The following SRP72 variants were observed in gnomAD, a reference collection of about 807,000 sequenced individuals.
The protein encoded by SRP72 is signal recognition particle 72.
Under a neutral mutation model 96.3 loss-of-function variants are expected in SRP72, and 49 were observed. The ratio of observed to expected loss-of-function variants is 0.51; its 90% CI spans 0.40 to 0.65. SRP72 has a LOEUF of 0.65. Among genes scored for constraint, SRP72 ranks in the 30% least tolerant of loss-of-function variants. The probability of loss-of-function intolerance (pLI) is 0.00; values close to 1 mark genes in which losing one functional copy is unlikely to be tolerated. For missense variants in SRP72, 736 were observed against 793.3 expected (o/e 0.93, Z 0.87); for synonymous variants, 267 against 275.2 (o/e 0.97, Z 0.30).
At chr4:56,497,522 A>G (rs1721119363) in intron 17 of SRP72, among the ~76,000 whole-genome samples, 1 of 152,064 alleles carries the variant, frequency 6.6e-6, no homozygotes, top group Non-Finnish European at 1.5e-5. Context: ...CCCGGCCTGC[A>G]CTTCAGTTTT....
intron 13 of SRP72, among the ~76,000 whole-genome samples, chr4:56,489,885 T>C (rs1040011226): frequency 3.3e-5 from 5 of 152,352 alleles, no homozygotes; most frequent in Admixed American, 6.5e-5. Flanking sequence ...TAGGAATATC[T>C]TAATTTCCAG....
chr4:56,496,660 A>G (rs981510579), intron 17 of SRP72, among the ~76,000 whole-genome samples: 23 of 152,268 alleles, frequency 1.5e-4, no homozygotes, highest in African/African-American at 5.3e-4. Context: ...ATCATTATAG[A>G]GTGGCCTAAA....
chr4:56,499,247 T>C (rs573887796), intron 17 of SRP72, among the ~76,000 whole-genome samples: 1 of 152,264 alleles, frequency 6.6e-6, no homozygotes, highest in South Asian at 2.1e-4. Context: ...ATTAAAGACT[T>C]AAACATAAGA....
intron 3 of SRP72, among the ~76,000 whole-genome samples, chr4:56,472,556 A>G (rs1254519019): frequency 1.3e-5 from 2 of 151,934 alleles, no homozygotes; most frequent in South Asian, 2.1e-4. Context: ...CATGTTGCCT[A>G]GGCTCGTCTC....
intron 3 of SRP72, among the ~76,000 whole-genome samples, chr4:56,472,503 G>A (rs893225483): frequency 4.6e-5 from 7 of 151,560 alleles, no homozygotes; most frequent in African/African-American, 1.2e-4. Context: ...GTGCCAACTC[G>A]TGCAGCTAAT....
chr4:56,477,814 C>T (rs745529082), intron 6 of SRP72, among the ~76,000 whole-genome samples: 4 of 152,052 alleles, frequency 2.6e-5, no homozygotes, highest in Non-Finnish European at 4.4e-5. Context: ...TCTGGAGCAT[C>T]GGTTAAGAGA....
chr4:56,490,260 T>G, intron 13 of SRP72, 73 bp from the exon 14 acceptor site: 1 of 1,188,474 alleles, frequency 8.4e-7, no homozygotes, highest in South Asian at 1.4e-5. Flanking sequence ...CTTAAAGGTC[T>G]AATGAATATA....
At chr4:56,469,534 T>C (rs1047226706) in intron 1 of SRP72, 119 bp from the exon 2 acceptor site, 1 of 943,518 alleles carries the variant, frequency 1.1e-6, no homozygotes, top group Non-Finnish European at 1.5e-6. Flanking sequence ...TTCTGACCAA[T>C]TATTTCTGTT....
chr4:56,500,341 T>C, intron 17 of SRP72, 195 bp from the exon 18 acceptor site: 1 of 538,772 alleles, frequency 1.9e-6, no homozygotes, highest in Admixed American at 3.3e-5. Context: ...GTTCTGCGCA[T>C]GTATCCCAGA....
At position 56,474,336 on chromosome 4, in the gene SRP72, A is replaced by C. The variant is rs749519720; in HGVS notation, c.555A>C (p.Ala185=). The change falls in exon 5 of 19, where the codon GCA becomes GCC. Residue 185 remains alanine, a synonymous_variant. Coordinates refer to ENST00000642900, the MANE Select transcript of SRP72 (RefSeq NM_006947.4). ...AGCTGTGCTACAACACTGCATGTGC[A>C]CTGATAGGCCAAGGCCAGCTGAACC... The part of the protein sequence containing the change: ...THELCYNTAC[A]LIGQGQLNQA... The C allele has an allele frequency of 6.2e-7, 1 of 1,614,188 alleles. No homozygotes were observed. Among genetic ancestry groups the C allele is most frequent in the Admixed American group, 1.7e-5 (1 of 60,018 alleles).
chr4:56,479,493 G>A (rs4618376), intron 8 of SRP72, among the ~76,000 whole-genome samples: 29,835 of 150,940 alleles, frequency 0.2, 3,304 homozygotes, highest in Admixed American at 0.35. Flanking sequence ...ACACTCTAAT[G>A]GAAAAAGCTT....
chr4:56,494,472 TC>T (rs1721012265), intron 16 of SRP72, among the ~76,000 whole-genome samples: 1 of 150,814 alleles, frequency 6.6e-6, no homozygotes, highest in Non-Finnish European at 1.5e-5. Context: ...TGGCGCAATC[TC>T]GCTCACTGCA....
chr4:56,485,383 C>T (rs1470606080), intron 10 of SRP72, among the ~76,000 whole-genome samples: 1 of 147,566 alleles, frequency 6.8e-6, no homozygotes, highest in Non-Finnish European at 1.5e-5. Context: ...GAGACACCGC[C>T]CCTTCTCTCC....
chr4:56,468,447 C>G (rs1028804538), intron 1 of SRP72, among the ~76,000 whole-genome samples: 1 of 151,818 alleles, frequency 6.6e-6, no homozygotes, highest in African/African-American at 2.4e-5. Context: ...TTTAATTCAT[C>G]ATATTCTTTT....
chr4:56,485,670 C>T (rs944494329), intron 10 of SRP72, among the ~76,000 whole-genome samples: 4 of 151,980 alleles, frequency 2.6e-5, no homozygotes, highest in South Asian at 2.1e-4. Flanking sequence ...GGCATGGTGG[C>T]GCATTCCTGT....
intron 2 of SRP72, among the ~76,000 whole-genome samples, chr4:56,470,244 T>C (rs548222507): frequency 2.0e-5 from 3 of 152,328 alleles, no homozygotes; most frequent in South Asian, 4.1e-4. Flanking sequence ...ATATATGCAT[T>C]TGCCTGTATT....
chr4:56,494,603 T>G (rs1311276171), intron 16 of SRP72, among the ~76,000 whole-genome samples: 1 of 151,986 alleles, frequency 6.6e-6, no homozygotes, highest in Non-Finnish European at 1.5e-5. Context: ...GGGGTTTTAC[T>G]ATGTTGTCCA....
At chr4:56,487,756 A>C (rs190345812) in intron 11 of SRP72, among the ~76,000 whole-genome samples, 193 bp from the exon 12 acceptor site, 88 of 152,298 alleles carry the variant, frequency 5.8e-4, no homozygotes, top group African/African-American at 2.1e-3. Flanking sequence ...TTTAGAACTC[A>C]ATTTCCTTAT....
chr4:56,501,319 A>T (rs1560691422), intron 18 of SRP72, among the ~76,000 whole-genome samples: 1 of 152,108 alleles, frequency 6.6e-6, no homozygotes, highest in African/African-American at 2.4e-5. Flanking sequence ...GAGGCAGGAG[A>T]ATCACGTGAA....
Sources: allele counts gnomAD v4.1 joint callset (sites outside exome capture counted in the v4.1 genomes callset), GRCh38; gene constraint gnomAD v4.1.1; transcripts MANE v1.5; gene names NCBI Gene and HGNC (gene_info 2026-07-23, HGNC 2026-07-21).